Variants in CNTN4 observed in about 807,000 individuals in gnomAD.
CNTN4 encodes contactin 4.
In CNTN4, 77 loss-of-function variants were observed where a neutral mutation model predicts 122.5. That is an observed-to-expected ratio of 0.63 (90% CI 0.52 to 0.76). The LOEUF (loss-of-function observed/expected upper bound fraction) is 0.76. Ranked by LOEUF, CNTN4 falls within the 30% of genes least tolerant of loss-of-function variation. CNTN4 has a pLI of 0.00. For missense variants in CNTN4, 1,256 were observed against 1,259.1 expected (o/e 1.00, Z 0.04); for synonymous variants, 512 against 447.0 (o/e 1.15, Z -1.83).
chr3:2,554,117 G>A (rs1332561779), intron 3 of CNTN4, among the ~76,000 whole-genome samples: 1 of 152,004 alleles, frequency 6.6e-6, no homozygotes, highest in African/African-American at 2.4e-5. Flanking sequence ...TTATAATGAA[G>A]TACCTTAGGT....
intron 3 of CNTN4, among the ~76,000 whole-genome samples, chr3:2,416,270 A>G (rs942251929): frequency 1.3e-5 from 2 of 152,154 alleles, no homozygotes; most frequent in African/African-American, 4.8e-5. Flanking sequence ...TGTTTAATAG[A>G]TTGTGTCACT....
chr3:2,768,832 A>G lies in CNTN4; in HGVS notation c.358+23135A>G, dbSNP rs560172927. 3.9e-5 allele frequency among the ~76,000 whole-genome samples: 6 copies of G among 152,320 alleles called. No individual in the cohort carries two copies. In the East Asian group the frequency reaches 5.8e-4, roughly 15 times the overall value. The stretch of plus-strand genomic sequence containing the variant: ...TAGTCTTTACAAAGGCCTGTGAGGT[A>G]TGATTTATCATCATCACCATCCCCA... On this transcript the variant is annotated intron_variant, in intron 6 of 24. Transcript: ENST00000418658.
At chr3:2,630,791 A>C (rs1383616911) in intron 4 of CNTN4, among the ~76,000 whole-genome samples, 2 of 152,028 alleles carry the variant, frequency 1.3e-5, no homozygotes, top group Non-Finnish European at 2.9e-5. Flanking sequence ...TTCTTATTTA[A>C]AAAATGTGTA....
chr3:2,191,385 A>T (rs2037537351), intron 2 of CNTN4, among the ~76,000 whole-genome samples: 1 of 151,992 alleles, frequency 6.6e-6, no homozygotes, highest in Non-Finnish European at 1.5e-5. Context: ...AAGGTTTTAT[A>T]AGTGATACAA....
At chr3:2,777,821 T>A (rs1331480524) in intron 6 of CNTN4, among the ~76,000 whole-genome samples, 1 of 152,244 alleles carries the variant, frequency 6.6e-6, no homozygotes, top group Non-Finnish European at 1.5e-5. Flanking sequence ...GTGAAAGTTT[T>A]TAAAAGATAT....
chr3:2,104,229 C>CGTGTGTGTGT (rs142907603), intron 2 of CNTN4, among the ~76,000 whole-genome samples: 1 of 135,586 alleles, frequency 7.4e-6, no homozygotes, highest in African/African-American at 2.6e-5. Context: ...TTTATGTCTA[C>CGTGTGTGTGT]GTGTGTGTGT....
intron 4 of CNTN4, among the ~76,000 whole-genome samples, chr3:2,623,546 A>G: frequency 6.6e-6 from 1 of 152,190 alleles, no homozygotes; most frequent in East Asian, 1.9e-4. Context: ...GTTTGTGCAA[A>G]CAAGCATGAT....
intron 3 of CNTN4, among the ~76,000 whole-genome samples, chr3:2,504,971 G>A (rs2076694756): frequency 6.6e-6 from 1 of 152,086 alleles, no homozygotes; most frequent in South Asian, 2.1e-4. Context: ...CACAGAAACA[G>A]GAAACAAACA....
chr3:2,957,036 C>T (rs911916692), intron 13 of CNTN4, among the ~76,000 whole-genome samples: 1 of 152,078 alleles, frequency 6.6e-6, no homozygotes, highest in Non-Finnish European at 1.5e-5. Context: ...CCATTAATCC[C>T]GTGATGGACA....
At chr3:2,416,046 G>T (rs2047399302) in intron 3 of CNTN4, among the ~76,000 whole-genome samples, 1 of 151,886 alleles carries the variant, frequency 6.6e-6, no homozygotes, top group African/African-American at 2.4e-5. Flanking sequence ...TACATGTTTT[G>T]GAATTTTTAA....
At chr3:2,496,909 T>C (rs1463401573) in intron 3 of CNTN4, among the ~76,000 whole-genome samples, 2 of 152,172 alleles carry the variant, frequency 1.3e-5, no homozygotes, top group Non-Finnish European at 2.9e-5. Flanking sequence ...TCCTGGAGTC[T>C]GAAGGCTTGA....
chr3:2,118,679 G>A (rs2033532982), intron 2 of CNTN4, among the ~76,000 whole-genome samples: 1 of 152,042 alleles, frequency 6.6e-6, no homozygotes, highest in African/African-American at 2.4e-5. Flanking sequence ...CAGAAATATT[G>A]AGTTTGATAG....
chr3:2,414,275 A>G (rs2047333764), intron 3 of CNTN4, among the ~76,000 whole-genome samples: 1 of 152,124 alleles, frequency 6.6e-6, no homozygotes, highest in African/African-American at 2.4e-5. Flanking sequence ...TTGGGAGTAA[A>G]TTTTAGGTAT....
intron 4 of CNTN4, among the ~76,000 whole-genome samples, chr3:2,676,193 A>C (rs546494723): frequency 2.6e-5 from 4 of 152,150 alleles, no homozygotes; most frequent in African/African-American, 9.6e-5. Flanking sequence ...TCCAGTGAAT[A>C]CAGCTGAAGA....
chr3:2,695,059 A>C (rs765039493), intron 4 of CNTN4, among the ~76,000 whole-genome samples: 1 of 152,224 alleles, frequency 6.6e-6, no homozygotes. Context: ...TAGTCAGTGC[A>C]TCTGTTGACT....
At chr3:2,223,125 A>C (rs951272929) in intron 2 of CNTN4, among the ~76,000 whole-genome samples, 1 of 152,118 alleles carries the variant, frequency 6.6e-6, no homozygotes, top group East Asian at 1.9e-4. Context: ...AGGGTTTACC[A>C]AATATTGAGA....
intron 4 of CNTN4, among the ~76,000 whole-genome samples, chr3:2,708,747 ACACACACACACACACACACACT>A (rs2086908931): frequency 3.3e-5 from 1 of 30,692 alleles, no homozygotes; most frequent in African/African-American, 7.0e-5. Flanking sequence ...ACACACACAC[ACACACACACACACACACACACT>A]GCCCAGAAGA....
At chr3:2,353,208 ACTTTTATGTCTAG>A (rs1194757009) in intron 3 of CNTN4, among the ~76,000 whole-genome samples, 1 of 151,996 alleles carries the variant, frequency 6.6e-6, no homozygotes, top group African/African-American at 2.4e-5. Flanking sequence ...GACTGGGAGA[ACTTTTATGTCTAG>A]CTAGAGGACT....
intron 5 of CNTN4, among the ~76,000 whole-genome samples, chr3:2,744,127 T>C (rs2089624806): frequency 6.6e-6 from 1 of 152,200 alleles, no homozygotes; most frequent in Admixed American, 6.5e-5. Context: ...CTTTGGTTAA[T>C]TTTGACTAGA....
Sources: gnomAD v4.1 joint callset for allele counts (sites outside exome capture counted in the v4.1 genomes callset) on GRCh38, gnomAD v4.1.1 for gene constraint, MANE v1.5 for transcripts, NCBI Gene and HGNC (gene_info 2026-07-23, HGNC 2026-07-21) for gene names.